The following RYR3 variants were observed in gnomAD, a reference collection of about 807,000 sequenced individuals.
RYR3 encodes the protein ryanodine receptor 3.
In RYR3, 207 loss-of-function variants were observed where a neutral mutation model predicts 584.3. The ratio of observed to expected loss-of-function variants is 0.35; its 90% CI spans 0.32 to 0.40. RYR3 has a LOEUF of 0.40. RYR3 is among the 10% of genes least tolerant of loss of function. The pLI, the probability that RYR3 is intolerant of heterozygous loss-of-function variation, is 1.00. For missense variants in RYR3, 5,616 were observed against 6,089.2 expected (o/e 0.92, Z 2.59); for synonymous variants, 2,416 against 2,248.5 (o/e 1.07, Z -2.11).
intron 60 of RYR3, among the ~76,000 whole-genome samples, chr15:33,766,575 A>T (rs532945007): frequency 1.6e-3 from 244 of 152,314 alleles, no homozygotes; most frequent in Non-Finnish European, 3.0e-3. Context: ...TTAGATTATT[A>T]ATTCATGGAA....
At position 33,858,231 on chromosome 15, in the gene RYR3, T is replaced by C. The variant is rs1160364824; in HGVS notation, c.14142+317T>C. ...ATTATTTTATTTTTTTGAGATGGAGTTTTGCTTTTGTCGCCCAGGCTGGAG... is the reference window on the plus strand; with the variant it reads ...ATTATTTTATTTTTTTGAGATGGAGCTTTGCTTTTGTCGCCCAGGCTGGAG... On this transcript the variant is annotated intron_variant, in intron 99 of 103. Transcript: ENST00000634891. 4.7e-5 allele frequency: 12 copies of C among 254,110 alleles called. No individual in the cohort carries two copies. The Admixed American group carries it at 5.9e-4, about 12-fold the overall frequency. The allele number at this position is 254,110 out of a possible 1,614,324, so 15.7% of individuals were successfully genotyped here.
intron 1 of RYR3, among the ~76,000 whole-genome samples, chr15:33,382,386 C>A (rs573573664): frequency 4.6e-5 from 6 of 131,646 alleles, no homozygotes; most frequent in Non-Finnish European, 3.0e-5. Context: ...TACAGTGGCA[C>A]AGTCTTGGCT....
At chr15:33,396,541 T>A (rs968834108) in intron 1 of RYR3, among the ~76,000 whole-genome samples, 2 of 152,190 alleles carry the variant, frequency 1.3e-5, no homozygotes, top group Non-Finnish European at 2.9e-5. Flanking sequence ...GCCCCGGGGA[T>A]CCCTTGGTCA....
At chr15:33,487,488 G>C (rs2050558437) in intron 2 of RYR3, among the ~76,000 whole-genome samples, 1 of 152,166 alleles carries the variant, frequency 6.6e-6, no homozygotes, top group African/African-American at 2.4e-5. Flanking sequence ...TAGTCGTTTT[G>C]TTTGACCTAG....
At chr15:33,725,976 C>CGCCAAAAAAAAAA (rs1555427643) in intron 45 of RYR3, among the ~76,000 whole-genome samples, 2 of 31,516 alleles carry the variant, frequency 6.3e-5, no homozygotes, top group African/African-American at 1.1e-4. Context: ...TCCCCCCCCC[C>CGCCAAAAAAAAAA]AAAAAAAAAA....
At chr15:33,419,361 G>A (rs1024248534) in intron 1 of RYR3, among the ~76,000 whole-genome samples, 3 of 152,070 alleles carry the variant, frequency 2.0e-5, no homozygotes, top group South Asian at 2.1e-4. Flanking sequence ...GTTGACTTTC[G>A]GGAAGGGATG....
At chr15:33,314,806 C>T (rs1390971971) in intron 1 of RYR3, among the ~76,000 whole-genome samples, 4 of 151,962 alleles carry the variant, frequency 2.6e-5, no homozygotes, top group South Asian at 2.1e-4. Flanking sequence ...CCCAGCTGCT[C>T]GGGAGGCAGA....
At chr15:33,600,698 A>G (rs16973085) in intron 16 of RYR3, among the ~76,000 whole-genome samples, 9,626 of 152,076 alleles carry the variant, frequency 0.063, 346 homozygotes, top group African/African-American at 0.071. Flanking sequence ...TAGAATACCA[A>G]TCTCCAGAAA....
At chr15:33,593,900 A>G (rs949180177) in intron 16 of RYR3, among the ~76,000 whole-genome samples, 2 of 152,224 alleles carry the variant, frequency 1.3e-5, no homozygotes, top group African/African-American at 4.8e-5. Context: ...TTATTTGTAT[A>G]CAGTGCAGCA....
chr15:33,769,010 G>A (rs2073345194), intron 61 of RYR3, 102 bp from the exon 62 acceptor site: 2 of 881,114 alleles, frequency 2.3e-6, no homozygotes, highest in Admixed American at 1.7e-5. Context: ...TGTGTTGGTA[G>A]TTAATTACGC....
intron 4 of RYR3, among the ~76,000 whole-genome samples, chr15:33,532,085 G>A (rs540896397): frequency 3.9e-5 from 6 of 152,206 alleles, no homozygotes; most frequent in Admixed American, 6.5e-5. Flanking sequence ...TGGGAATAAA[G>A]CCTATAAGAT....
intron 74 of RYR3, 46 bp downstream of exon 74, chr15:33,813,625 A>G (rs1354833978): frequency 7.0e-7 from 1 of 1,423,470 alleles, no homozygotes; most frequent in Non-Finnish European, 9.9e-7. Context: ...AGCGATGGGA[A>G]TGGAGGTATC....
At chr15:33,627,040 T>A (rs2061027532) in intron 20 of RYR3, among the ~76,000 whole-genome samples, 1 of 152,162 alleles carries the variant, frequency 6.6e-6, no homozygotes, top group Non-Finnish European at 1.5e-5. Flanking sequence ...CACCATCCTC[T>A]GGACTCTAGA....
In RYR3 at chr15:33,865,306, T is replaced by TATC. The variant is rs1890134273; in HGVS notation, c.*81_*83dup. ...GTCCCCTTTTTACAGTTCTGCAACA[T>TATC]ATCTGAAATGTGACATTTTCTAAAT... On this transcript the variant is annotated 3_prime_UTR_variant, in exon 104 of 104. Transcript: ENST00000634891. The TATC allele has an allele frequency of 4.3e-6, 4 of 929,782 alleles. No individual in the cohort carries two copies. Among genetic ancestry groups the TATC allele is most frequent in the Non-Finnish European group, 5.0e-6 (3 of 603,084 alleles). 57.6% of individuals were successfully genotyped at this position (929,782 alleles called of 1,614,324 possible). A position where few individuals can be genotyped will look rare whatever the true frequency, so the allele number is the denominator to read the frequency against.
chr15:33,542,562 C>T (rs528885534), intron 7 of RYR3, among the ~76,000 whole-genome samples: 2 of 152,190 alleles, frequency 1.3e-5, no homozygotes, highest in South Asian at 2.1e-4. Context: ...TTTAGAAAAA[C>T]TTGCCTTGTC....
At chr15:33,331,432 T>A (rs1970365704) in intron 1 of RYR3, among the ~76,000 whole-genome samples, 1 of 152,168 alleles carries the variant, frequency 6.6e-6, no homozygotes. Flanking sequence ...GAAGCATAGT[T>A]TGGTTTAATT....
chr15:33,525,317 A>G (rs1346429029), intron 3 of RYR3, among the ~76,000 whole-genome samples: 2 of 152,354 alleles, frequency 1.3e-5, no homozygotes, highest in African/African-American at 4.8e-5. Flanking sequence ...GAATCAGAGT[A>G]TCAGAGTGAA....
At chr15:33,605,303 T>G (rs549627786) in intron 18 of RYR3, among the ~76,000 whole-genome samples, 29 of 152,324 alleles carry the variant, frequency 1.9e-4, no homozygotes, top group African/African-American at 6.7e-4. Flanking sequence ...TTTCAGGACC[T>G]GAACATCCTG....
rs376062318 is a variant in RYR3 at position 33,739,854 on chromosome 15, G to A, written c.7679G>A (p.Arg2560Gln). 39 of 1,613,210 alleles carry A rather than the reference G, an allele frequency of 2.4e-5. No homozygotes were observed. In the African/African-American group the frequency reaches 2.8e-4, roughly 12 times the overall value. The change falls in exon 51 of 104, where the codon CGA becomes CAA. Residue 2560 changes from arginine (R) to glutamine (Q), a missense_variant. Arg to Gln is a conservative substitution (Grantham distance 43). Transcript: ENST00000634891. ...CAGAAATATGACCCAGATCTTTTCC[G>A]AATGGCCCTGCCTTGTCTCAGTGCT... is the stretch of plus-strand genomic sequence containing the variant. ...SHKKYDPDLF[R>Q]MALPCLSAIA...
Sources: allele counts gnomAD v4.1 joint callset (sites outside exome capture counted in the v4.1 genomes callset), GRCh38; gene constraint gnomAD v4.1.1; transcripts MANE v1.5; gene names NCBI Gene and HGNC (gene_info 2026-07-23, HGNC 2026-07-21).